Variants in TUSC3 observed in about 807,000 individuals in gnomAD.
TUSC3 encodes dolichyl-diphosphooligosaccharide--protein glycosyltransferase subunit TUSC3.
Under a neutral mutation model 44.8 loss-of-function variants are expected in TUSC3, and 45 were observed. The ratio of observed to expected loss-of-function variants is 1.00; its 90% confidence interval spans 0.79 to 1.29. The LOEUF (loss-of-function observed/expected upper bound fraction) is 1.29. Ranked by LOEUF, TUSC3 falls within the 50% of genes most tolerant of loss-of-function variation. TUSC3 has a pLI of 0.00. For synonymous variants in TUSC3, 212 were observed against 152.9 expected (o/e 1.39, Z -2.85); for missense variants, 519 against 437.9 (o/e 1.19, Z -1.65).
the TUSC3 span, among the ~76,000 whole-genome samples, chr8:15,798,003 TCCTTTC>T: frequency 6.6e-6 from 1 of 152,144 alleles, no homozygotes; most frequent in Non-Finnish European, 1.5e-5. Flanking sequence ...GCTATGATCT[TCCTTTC>T]CCTAAGATGC....
At chr8:15,761,691 C>T (rs545209077) in intron 10 of TUSC3, among the ~76,000 whole-genome samples, 19 of 152,270 alleles carry the variant, frequency 1.2e-4, no homozygotes, top group Admixed American at 9.8e-4. Flanking sequence ...GATCGTGGTA[C>T]CCAAGGCTGC....
chr8:15,692,733 A>G (rs554517078), intron 6 of TUSC3, among the ~76,000 whole-genome samples: 1 of 145,332 alleles, frequency 6.9e-6, no homozygotes, highest in South Asian at 2.2e-4. Context: ...GTTTATTTGG[A>G]TATTGTCTCT....
At chr8:15,506,773 G>A (rs1361520704) in intron 2 of TUSC3, among the ~76,000 whole-genome samples, 1 of 152,046 alleles carries the variant, frequency 6.6e-6, no homozygotes, top group Non-Finnish European at 1.5e-5. Flanking sequence ...AGGATTATAG[G>A]AGCTACATTT....
intron 2 of TUSC3, among the ~76,000 whole-genome samples, chr8:15,649,106 A>T (rs1806769040): frequency 6.6e-6 from 1 of 152,150 alleles, no homozygotes; most frequent in African/African-American, 2.4e-5. Flanking sequence ...TAAGTATGTT[A>T]GTTACAGTTA....
intron 7 of TUSC3, among the ~76,000 whole-genome samples, chr8:15,735,893 T>TTG (rs1484415026): frequency 1.1e-4 from 15 of 130,930 alleles, no homozygotes; most frequent in African/African-American, 4.4e-4. Flanking sequence ...GTTTTTTTGG[T>TTG]TTTTTTTTGT....
At chr8:15,800,198 C>T in the TUSC3 span, among the ~76,000 whole-genome samples, 14 of 152,152 alleles carry the variant, frequency 9.2e-5, 1 homozygote, top group Admixed American at 7.9e-4. Context: ...CATAGAGAAA[C>T]TTACATAAAA....
intron 1 of TUSC3, among the ~76,000 whole-genome samples, chr8:15,456,507 T>C (rs750093416): frequency 2.0e-5 from 3 of 152,124 alleles, no homozygotes; most frequent in Non-Finnish European, 4.4e-5. Context: ...GATCAGTGAC[T>C]AGGAGCTGTT....
the TUSC3 span, among the ~76,000 whole-genome samples, chr8:15,798,236 A>G: frequency 4.6e-3 from 700 of 152,324 alleles, 3 homozygotes; most frequent in African/African-American, 0.016. Flanking sequence ...TAGACCCTTA[A>G]GGTCATGTTA....
At chr8:15,595,773 A>G (rs73540551) in intron 1 of TUSC3, among the ~76,000 whole-genome samples, 5,493 of 152,294 alleles carry the variant, frequency 0.036, 109 homozygotes, top group African/African-American at 0.058. Context: ...AGATTTTCTC[A>G]AAAATTCAAG....
At chr8:15,745,385 CTG>C (rs959078042) in intron 8 of TUSC3, among the ~76,000 whole-genome samples, 13 of 152,078 alleles carry the variant, frequency 8.5e-5, no homozygotes, top group African/African-American at 3.1e-4. Flanking sequence ...AATCTCGAAA[CTG>C]TTTTCCACAG....
rs142798333 is a variant in TUSC3, at chr8:15,605,803, G to C, written c.139-17277G>C. 2.6e-3 allele frequency among the ~76,000 whole-genome samples: 395 copies of C among 151,998 alleles called. 1 individual carries two copies. Among genetic ancestry groups the C allele is most frequent in the African/African-American group, 8.4e-3 (347 of 41,480 alleles). On this transcript the variant is annotated intron_variant, in intron 1 of 10. Coordinates refer to ENST00000503731, the MANE Select transcript of TUSC3 (RefSeq NM_006765.4). ...TGAGGGAAATGTAAACAAACATAAG[G>C]TTGCCATATTAAATCACAACTGCAT...
chr8:15,787,763 C>T, the TUSC3 span, among the ~76,000 whole-genome samples: 5 of 152,038 alleles, frequency 3.3e-5, no homozygotes, highest in African/African-American at 7.2e-5. Context: ...TGAAAGTGTC[C>T]GTGACAATAT....
At chr8:15,761,235 A>T (rs947879904) in intron 10 of TUSC3, among the ~76,000 whole-genome samples, 1 of 152,138 alleles carries the variant, frequency 6.6e-6, no homozygotes, top group African/African-American at 2.4e-5. Flanking sequence ...CAAAGACAGC[A>T]TTTTCATCTA....
intron 1 of TUSC3, among the ~76,000 whole-genome samples, chr8:15,443,736 T>G (rs1007880112): frequency 6.6e-6 from 1 of 152,136 alleles, no homozygotes; most frequent in African/African-American, 2.4e-5. Context: ...AATTATGGTT[T>G]AGGAGTCACG....
At chr8:15,498,156 T>C (rs913703480) in intron 2 of TUSC3, among the ~76,000 whole-genome samples, 7 of 152,180 alleles carry the variant, frequency 4.6e-5, no homozygotes, top group Admixed American at 4.6e-4. Context: ...GTAAAATTGC[T>C]GGGATAGTTA....
At chr8:15,599,940 G>T (rs1340947110) in intron 1 of TUSC3, among the ~76,000 whole-genome samples, 1 of 151,508 alleles carries the variant, frequency 6.6e-6, no homozygotes, top group African/African-American at 2.4e-5. Flanking sequence ...TCACTTATTA[G>T]TTCCAATAGG....
chr8:15,629,160 T>A (rs544740260), intron 2 of TUSC3, among the ~76,000 whole-genome samples: 2 of 152,196 alleles, frequency 1.3e-5, no homozygotes, highest in Non-Finnish European at 2.9e-5. Flanking sequence ...ATATCTAGAT[T>A]ATAAAATTAG....
intron 1 of TUSC3, among the ~76,000 whole-genome samples, chr8:15,439,187 G>A (rs935765389): frequency 6.6e-6 from 1 of 152,164 alleles, no homozygotes; most frequent in South Asian, 2.1e-4. Flanking sequence ...TCACAAACCA[G>A]ACTGAAGTGG....
At chr8:15,573,168 T>TCTTTCTCTCTCTCTCTCTCTCTC (rs1563296867) in intron 1 of TUSC3, among the ~76,000 whole-genome samples, 1 of 85,588 alleles carries the variant, frequency 1.2e-5, no homozygotes, top group African/African-American at 5.0e-5. Flanking sequence ...TTCTCTCTCT[T>TCTTTCTCTCTCTCTCTCTCTCTC]TCTCTCTCTC....
Sources: gnomAD v4.1 joint callset for allele counts (sites outside exome capture counted in the v4.1 genomes callset) on GRCh38, gnomAD v4.1.1 for gene constraint, MANE v1.5 for transcripts, NCBI Gene and HGNC (gene_info 2026-07-23, HGNC 2026-07-21) for gene names.